SHC3: variants seen among roughly 807,000 people sequenced by gnomAD.
SHC3 encodes the protein SHC adaptor protein 3, also known as SHC-transforming protein 3.
SHC3 carries 15 observed loss-of-function variants against 60.4 expected under a neutral mutation model. That is an observed-to-expected ratio of 0.25 (90% confidence interval 0.17 to 0.38). The LOEUF is 0.38. Among genes scored for constraint, SHC3 ranks in the 10% least tolerant of loss-of-function variants. The pLI is 1.00. For missense variants in SHC3, 677 were observed against 786.1 expected (o/e 0.86, Z 1.66); for synonymous variants, 294 against 325.9 (o/e 0.90, Z 1.05).
In SHC3 at chr9:89,013,495, A is replaced by G; in HGVS notation, c.1737T>C (p.Ser579=). 6.2e-7 allele frequency: 1 copy of G among 1,613,822 alleles called. No homozygotes were observed. The highest frequency in any genetic ancestry group is 1.1e-5 in the South Asian group (1 of 91,026). Residue 579 remains serine (S), a synonymous_variant, in exon 12 of 12, where the codon TCT becomes TCC. Transcript: ENST00000375835. ...HHLESSLPIV[S]AGSELCLQQP... ...GCTGGAGACACAGCTCACTCCCTGC[A>G]GAGACAATGGGCAGGCTGCTTTCTA...
At chr9:89,057,337 A>G (rs1824970988) in intron 6 of SHC3, among the ~76,000 whole-genome samples, 1 of 123,104 alleles carries the variant, frequency 8.1e-6, no homozygotes. Context: ...TTTTTTTTTA[A>G]TCAGAGAAGA....
intron 1 of SHC3, among the ~76,000 whole-genome samples, chr9:89,172,634 G>C (rs1826886747): frequency 6.6e-6 from 1 of 151,662 alleles, no homozygotes; most frequent in Non-Finnish European, 1.5e-5. Context: ...CACTCAGTAG[G>C]CTGTTCCTAT....
chr9:89,153,028 T>C (rs1826565771), intron 1 of SHC3, among the ~76,000 whole-genome samples: 1 of 152,196 alleles, frequency 6.6e-6, no homozygotes, highest in African/African-American at 2.4e-5. Flanking sequence ...AAATTTGCTT[T>C]AGATCTTAGT....
At chr9:89,056,774 A>G (rs1824958331) in intron 6 of SHC3, among the ~76,000 whole-genome samples, 1 of 152,256 alleles carries the variant, frequency 6.6e-6, no homozygotes, top group East Asian at 1.9e-4. Context: ...CTGTGAGCCA[A>G]TGCTCCAGCC....
At chr9:89,109,171 T>C (rs775339816) in intron 2 of SHC3, 11 of 965,032 alleles carry the variant, frequency 1.1e-5, no homozygotes, top group Non-Finnish European at 1.2e-5. Context: ...GCAGCCTGTC[T>C]TAATACTGCA....
intron 7 of SHC3, among the ~76,000 whole-genome samples, chr9:89,050,272 T>A (rs1371122221): frequency 1.3e-5 from 2 of 152,164 alleles, no homozygotes; most frequent in Non-Finnish European, 2.9e-5. Context: ...ATTTTTGCAT[T>A]TTTTTGTTGT....
chr9:89,092,706 G>C (rs889769163), intron 2 of SHC3, among the ~76,000 whole-genome samples: 1 of 151,570 alleles, frequency 6.6e-6, no homozygotes, highest in African/African-American at 2.4e-5. Context: ...GATGAAGATG[G>C]TATGATTCCC....
Position 89,150,403 on chromosome 9 carries a change from C to T in SHC3, c.474+27584G>A, listed in dbSNP as rs11137522. On this transcript the variant is annotated intron_variant, in intron 1 of 11. Transcript: ENST00000375835. ...TCAGTCCCTGGTAATCACTAATCTA[C>T]TTTCTGTCTCTATAGGTTTGCCAAA... Among the ~76,000 whole-genome samples the T allele has an allele frequency of 1.3e-3, 201 of 152,282 alleles. 1 individual carries two copies. Among genetic ancestry groups the T allele is most frequent in the African/African-American group, 4.7e-3 (197 of 41,552 alleles).
At chr9:89,119,202 A>C (rs1433201001) in intron 1 of SHC3, among the ~76,000 whole-genome samples, 1 of 152,166 alleles carries the variant, frequency 6.6e-6, no homozygotes, top group East Asian at 1.9e-4. Flanking sequence ...ATAGAATAAG[A>C]GACCTTCAAA....
At position 89,178,126 on chromosome 9, in the gene SHC3, G is replaced by A; in HGVS notation, c.335C>T (p.Ala112Val). 8.5e-7 allele frequency: 1 copy of A among 1,172,484 alleles called. No homozygotes were observed. Among genetic ancestry groups the A allele is most frequent in the Non-Finnish European group, 1.1e-6 (1 of 950,522 alleles). 72.6% of individuals were successfully genotyped at this position (1,172,484 alleles called of 1,614,324 possible). Reference sequence around the variant, plus strand: ...GGCCGGGGCGCGGGGCGCCGAGGGCGCACTGCCGTCCGGGGCGGCCAGGCT... The same window carrying A: ...GGCCGGGGCGCGGGGCGCCGAGGGCACACTGCCGTCCGGGGCGGCCAGGCT... ...APSLAAPDGS[A>V]PSAPRAPAMS... Residue 112 changes from alanine to valine, a missense_variant, in exon 1 of 12, where the codon GCG becomes GTG. Physicochemically the swap from Ala to Val is moderately conservative, Grantham distance 64. Coordinates refer to ENST00000375835, the MANE Select transcript of SHC3 (RefSeq NM_016848.6). This position sits in a 1 kb window ranked among gnomAD's most constrained non-coding sequence, Gnocchi z 6.9.
rs748588093 is a variant in SHC3 at position 89,112,636 on chromosome 9, G to GA, written c.475-11dup. 3 of 1,576,088 alleles carry GA rather than the reference G, an allele frequency of 1.9e-6. No homozygotes were observed. Among genetic ancestry groups the GA allele is most frequent in the African/African-American group, 2.8e-5 (2 of 72,358 alleles). ...CAATGCACCCCAAGTACTGCAAGGG[G>GA]AAAAAATGTAAATCGTGAGCCCTGA... On this transcript the variant is annotated splice_polypyrimidine_tract_variant and intron_variant, in intron 1 of 11. Transcript: ENST00000375835.
intron 4 of SHC3, among the ~76,000 whole-genome samples, chr9:89,072,884 A>G (rs1300854105): frequency 1.3e-5 from 2 of 152,200 alleles, no homozygotes; most frequent in Admixed American, 6.5e-5. Context: ...ATATAATTGA[A>G]TTATAATAGA....
intron 2 of SHC3, among the ~76,000 whole-genome samples, chr9:89,087,513 A>G (rs1293867746): frequency 6.6e-6 from 1 of 152,168 alleles, no homozygotes; most frequent in African/African-American, 2.4e-5. Context: ...AGCCCAGGCA[A>G]TCAGTGTGGG....
At chr9:89,101,849 TA>T (rs899672047) in intron 2 of SHC3, among the ~76,000 whole-genome samples, 37 of 152,118 alleles carry the variant, frequency 2.4e-4, no homozygotes, top group South Asian at 6.2e-4. Flanking sequence ...GCCTCTAAAA[TA>T]AACTGGAAAG....
At chr9:89,163,409 A>C (rs1444113851) in intron 1 of SHC3, among the ~76,000 whole-genome samples, 50 of 152,126 alleles carry the variant, frequency 3.3e-4, no homozygotes, top group Middle Eastern at 6.8e-3. Flanking sequence ...GAATACTATG[A>C]AGCCATAAAA....
At chr9:89,098,808 CAA>C (rs35983816) in intron 2 of SHC3, among the ~76,000 whole-genome samples, 7 of 130,626 alleles carry the variant, frequency 5.4e-5, no homozygotes, top group African/African-American at 8.7e-5. Context: ...GACCCCATCT[CAA>C]AAAAAAAAAA....
At chr9:89,113,680 C>G (rs1825982454) in intron 1 of SHC3, among the ~76,000 whole-genome samples, 1 of 152,136 alleles carries the variant, frequency 6.6e-6, no homozygotes, top group Admixed American at 6.5e-5. Flanking sequence ...AAGACCACAA[C>G]AAACTTTGCA....
At chr9:89,158,674 C>T (rs1046850906) in intron 1 of SHC3, among the ~76,000 whole-genome samples, 77 of 152,302 alleles carry the variant, frequency 5.1e-4, no homozygotes, top group African/African-American at 1.8e-3. Flanking sequence ...TGGATATATA[C>T]ATGCTTTCTT....
chr9:89,057,082 G>A (rs537180415), intron 6 of SHC3, among the ~76,000 whole-genome samples: 1 of 152,324 alleles, frequency 6.6e-6, no homozygotes, highest in South Asian at 2.1e-4. Flanking sequence ...CAGGGCATGG[G>A]GAACCTTGGA....
Sources: allele counts gnomAD v4.1 joint callset (sites outside exome capture counted in the v4.1 genomes callset), GRCh38; gene constraint gnomAD v4.1.1; non-coding constraint Gnocchi (gnomAD v3.1); transcripts MANE v1.5; gene names NCBI Gene and HGNC (gene_info 2026-07-23, HGNC 2026-07-21).